The following FAM135A variants were observed in gnomAD, a reference collection of about 807,000 sequenced individuals.
FAM135A encodes the protein protein FAM135A.
In FAM135A, 79 loss-of-function variants were observed where a neutral mutation model predicts 146.8. That is an observed-to-expected ratio of 0.54 (90% CI 0.45 to 0.65). The LOEUF is 0.65. Ranked by LOEUF, FAM135A falls within the 30% of genes least tolerant of loss-of-function variation. The probability of loss-of-function intolerance (pLI) is 0.00; values close to 1 mark genes in which losing one functional copy is unlikely to be tolerated. For synonymous variants in FAM135A, 562 were observed against 603.6 expected (o/e 0.93, Z 1.01); for missense variants, 1,623 against 1,758.2 (o/e 0.92, Z 1.38).
intron 3 of FAM135A, among the ~76,000 whole-genome samples, chr6:70,427,917 C>G (rs1018806441): frequency 6.6e-6 from 1 of 151,828 alleles, no homozygotes; most frequent in African/African-American, 2.4e-5. Flanking sequence ...TTTTTTTTGA[C>G]TCTGGAGTTA....
chr6:70,465,644 T>C lies in FAM135A; in HGVS notation c.158-9766T>C, dbSNP rs562123856. Among the ~76,000 whole-genome samples the C allele has an allele frequency of 1.3e-4, 20 of 152,186 alleles. No individual in the cohort carries two copies. In the East Asian group the frequency reaches 3.7e-3, roughly 28 times the overall value. On this transcript the variant is annotated intron_variant, in intron 5 of 21. Transcript: ENST00000418814. Reference sequence around the variant, plus strand: ...TTCCTCCTGCCTCGGCCTCCTAAAGTGCTAAGATAACAGGCGTGAGCCACA... The same window carrying C: ...TTCCTCCTGCCTCGGCCTCCTAAAGCGCTAAGATAACAGGCGTGAGCCACA...
chr6:70,525,856 T>C lies in FAM135A; in HGVS notation c.2772T>C (p.Val924=), dbSNP rs563163987. ...NSSIKDPLQF[V]FSDEETSSDV... is the part of the protein sequence containing the mutation. Reference sequence around the variant, plus strand: ...GCATTAAAGACCCTTTACAATTTGTTTTTTCAGATGAAGAGACTTCCAGTG... The same window carrying C: ...GCATTAAAGACCCTTTACAATTTGTCTTTTCAGATGAAGAGACTTCCAGTG... The change falls in exon 15 of 22, where the codon GTT becomes GTC. Residue 924 remains valine, a synonymous_variant. Transcript: ENST00000418814. The C allele has an allele frequency of 1.2e-5, 20 of 1,611,372 alleles. No homozygotes were observed. The South Asian group carries it at 2.0e-4, about 16-fold the overall frequency.
chr6:70,538,837 T>G (rs1427830136), intron 20 of FAM135A, among the ~76,000 whole-genome samples: 1 of 146,526 alleles, frequency 6.8e-6, no homozygotes, highest in Non-Finnish European at 1.5e-5. Context: ...TATATTATAT[T>G]ATATTATATT....
intron 8 of FAM135A, among the ~76,000 whole-genome samples, chr6:70,479,891 A>T (rs1030665440): frequency 6.6e-6 from 1 of 152,162 alleles, no homozygotes; most frequent in Non-Finnish European, 1.5e-5. Context: ...TTTTTTAAGT[A>T]CAACTTTTAT....
At chr6:70,416,646 T>TG (rs1437018423) in intron 2 of FAM135A, among the ~76,000 whole-genome samples, 1 of 151,950 alleles carries the variant, frequency 6.6e-6, no homozygotes, top group Non-Finnish European at 1.5e-5. Context: ...AGGAATAAGG[T>TG]GGGGTGTGGT....
intron 4 of FAM135A, among the ~76,000 whole-genome samples, chr6:70,436,108 C>T (rs1773070744): frequency 6.6e-6 from 1 of 151,768 alleles, no homozygotes; most frequent in Admixed American, 6.6e-5. Context: ...CACTTGAACC[C>T]CAGAGGCGGA....
At chr6:70,423,147 G>T (rs1009222957) in intron 2 of FAM135A, among the ~76,000 whole-genome samples, 2 of 152,112 alleles carry the variant, frequency 1.3e-5, no homozygotes, top group African/African-American at 2.4e-5. Flanking sequence ...CCTGAGACAG[G>T]AATATATTTC....
At chr6:70,559,626 A>C in intron 21 of FAM135A, 90 bp from the exon 22 acceptor site, 1 of 1,107,612 alleles carries the variant, frequency 9.0e-7, no homozygotes, top group Non-Finnish European at 1.3e-6. Flanking sequence ...AATGTAACTA[A>C]ATTTTATAAC....
intron 20 of FAM135A, among the ~76,000 whole-genome samples, chr6:70,542,382 A>G (rs978692064): frequency 2.0e-5 from 3 of 151,648 alleles, no homozygotes; most frequent in Admixed American, 1.3e-4. Context: ...GTATCACCTC[A>G]TGTGTTTTGT....
Position 70,423,416 on chromosome 6 carries a change from G to A in FAM135A, c.-133-3023G>A, listed in dbSNP as rs139301870. On this transcript the variant is annotated intron_variant, in intron 2 of 21. Transcript: ENST00000418814. ...TAACAAAGAGTTACGAGACATGAAAGTCTGAGCAGTCTAGGTAGGGAAGAC... is the reference window on the plus strand; with the variant it reads ...TAACAAAGAGTTACGAGACATGAAAATCTGAGCAGTCTAGGTAGGGAAGAC... Among the ~76,000 whole-genome samples, 361 of 152,288 alleles carry A rather than the reference G, an allele frequency of 2.4e-3. 1 individual carries two copies. The highest frequency in any genetic ancestry group is 6.8e-3 in the Middle Eastern group (2 of 294).
At chr6:70,426,316 C>T (rs1024161871) in intron 2 of FAM135A, 123 bp from the exon 3 acceptor site, 10 of 151,980 alleles carry the variant, frequency 6.6e-5, no homozygotes, top group African/African-American at 2.2e-4. Context: ...CATAAGCCTT[C>T]GAAGGACATA....
chr6:70,508,249 G>T (rs754222082), intron 12 of FAM135A, among the ~76,000 whole-genome samples: 1 of 152,048 alleles, frequency 6.6e-6, no homozygotes, highest in Non-Finnish European at 1.5e-5. Context: ...TCCCTAATAC[G>T]AGCATCCTTG....
intron 4 of FAM135A, among the ~76,000 whole-genome samples, chr6:70,450,795 G>A (rs1327503545): frequency 8.6e-6 from 1 of 116,638 alleles, no homozygotes; most frequent in Non-Finnish European, 1.6e-5. Flanking sequence ...GGCTGTTAGT[G>A]CAGTGGTATG....
chr6:70,461,090 T>G (rs1159739134), intron 5 of FAM135A, among the ~76,000 whole-genome samples: 1 of 152,172 alleles, frequency 6.6e-6, no homozygotes, highest in Admixed American at 6.5e-5. Context: ...CCCAAAGTGC[T>G]GGGATTACAG....
At chr6:70,534,224 A>G (rs1582813412) in intron 18 of FAM135A, among the ~76,000 whole-genome samples, 1 of 151,722 alleles carries the variant, frequency 6.6e-6, no homozygotes, top group Middle Eastern at 3.4e-3. Context: ...TGGAAGAAGT[A>G]TAGGCTCTGT....
In FAM135A at chr6:70,525,638, G is replaced by A. The variant is rs1794544612; in HGVS notation, c.2554G>A (p.Asp852Asn). The A allele has an allele frequency of 1.2e-6, 2 of 1,612,916 alleles. No individual in the cohort carries two copies. Among genetic ancestry groups the A allele is most frequent in the Non-Finnish European group, 1.7e-6 (2 of 1,179,524 alleles). Residue 852 changes from aspartate (D) to asparagine (N), a missense_variant, in exon 15 of 22, where the codon GAT becomes AAT. Physicochemically the swap from Asp to Asn is conservative, Grantham distance 23 (BLOSUM62 1). Around this residue, in one of 7 missense-constraint regions of FAM135A, gnomAD observed 1,061 missense variants for 1,113.8 expected, o/e 0.95. Coordinates refer to ENST00000418814, the MANE Select transcript of FAM135A (RefSeq NM_001162529.3). Reference protein sequence around the residue: ...SLPSDDELSPDENSKKSVVPE... With the variant: ...SLPSDDELSPNENSKKSVVPE... ...ACCCTCCGATGATGAACTGTCACCT[G>A]ATGAAAATTCTAAGAAATCTGTTGT...
At chr6:70,456,059 C>T (rs1778306885) in intron 5 of FAM135A, among the ~76,000 whole-genome samples, 1 of 152,142 alleles carries the variant, frequency 6.6e-6, no homozygotes, top group Non-Finnish European at 1.5e-5. Context: ...ACCATGTTGG[C>T]CAGGATGGTC....
intron 11 of FAM135A, among the ~76,000 whole-genome samples, chr6:70,501,549 ACTC>A (rs1788529351): frequency 6.6e-6 from 1 of 151,816 alleles, no homozygotes; most frequent in Non-Finnish European, 1.5e-5. Context: ...TATGAAAAAA[ACTC>A]CTGCAGCTAG....
At chr6:70,490,834 AATG>A (rs746863912) in intron 10 of FAM135A, among the ~76,000 whole-genome samples, 197 bp from the exon 11 acceptor site, 143 of 152,164 alleles carry the variant, frequency 9.4e-4, no homozygotes, top group Non-Finnish European at 1.6e-3. Context: ...AAAAATAAAA[AATG>A]ATATTTATCA....
Sources: allele counts gnomAD v4.1 joint callset (sites outside exome capture counted in the v4.1 genomes callset), GRCh38; gene constraint gnomAD v4.1.1; regional missense constraint gnomAD v4.1.1; transcripts MANE v1.5; gene names NCBI Gene and HGNC (gene_info 2026-07-23, HGNC 2026-07-21).